The following GATAD2A variants were observed in gnomAD, a reference collection of about 807,000 sequenced individuals.
The protein encoded by GATAD2A is GATA zinc finger domain containing 2A.
Under a neutral mutation model 68.5 loss-of-function variants are expected in GATAD2A, and 12 were observed. The ratio of observed to expected loss-of-function variants is 0.18; its 90% CI spans 0.11 to 0.28. The LOEUF is 0.28. GATAD2A is among the 10% of genes least tolerant of loss of function. The pLI is 1.00. For missense variants in GATAD2A, 755 were observed against 868.5 expected (o/e 0.87, Z 1.64); for synonymous variants, 410 against 375.3 (o/e 1.09, Z -1.07).
In GATAD2A at chr19:19,465,606, C is replaced by T; in HGVS notation, c.261C>T (p.Thr87=). ...GCGATGGGCCCGTGGACATGCGCAC[C>T]TCACACAGGTGAGTGGGAGGAGCCA... ...LVGDGPVDMR[T]SHSDMKSERR... is the part of the protein sequence containing the mutation. The change falls in exon 2 of 12, where the codon ACC becomes ACT. Residue 87 remains threonine, a synonymous_variant. Transcript: ENST00000683918. The T allele has an allele frequency of 1.2e-6, 2 of 1,607,850 alleles. No individual in the cohort carries two copies. The highest frequency in any genetic ancestry group is 1.7e-6 in the Non-Finnish European group (2 of 1,177,310).
Position 19,494,401 on chromosome 19 carries a change from G to A in GATAD2A, c.624+18G>A, listed in dbSNP as rs375455874. ...CACTCCAGGTCAGTGTCCTTTCTGC[G>A]TCTCACTGGGTGCCCTGCTGGCACT... On this transcript the variant is annotated intron_variant, in intron 5 of 11. Transcript: ENST00000683918. 1.5e-5 allele frequency: 22 copies of A among 1,468,414 alleles called. No homozygotes were observed. In the East Asian group the frequency reaches 2.5e-4, roughly 17 times the overall value. The allele number at this position is 1,468,414 out of a possible 1,614,324, so 91.0% of individuals were successfully genotyped here. A position where few individuals can be genotyped will look rare whatever the true frequency, so the allele number is the denominator to read the frequency against.
chr19:19,425,359 C>T (rs1025587158), intron 1 of GATAD2A, among the ~76,000 whole-genome samples: 10 of 152,090 alleles, frequency 6.6e-5, no homozygotes, highest in South Asian at 2.1e-4. Context: ...CCTGGCCATT[C>T]GGCTGTTCCC....
intron 1 of GATAD2A, among the ~76,000 whole-genome samples, chr19:19,418,425 T>G (rs2051918772): frequency 6.6e-6 from 1 of 152,326 alleles, no homozygotes; most frequent in East Asian, 1.9e-4. Flanking sequence ...TGGAAAAGTT[T>G]GTTCTGCTCT....
chr19:19,461,219 G>A (rs2057402487), intron 1 of GATAD2A, among the ~76,000 whole-genome samples: 1 of 152,208 alleles, frequency 6.6e-6, no homozygotes, highest in South Asian at 2.1e-4. Context: ...CTTTCTTCCT[G>A]TCTGAAATAA....
chr19:19,407,747 GAGTT>G (rs1231181417), intron 1 of GATAD2A, among the ~76,000 whole-genome samples: 3 of 152,226 alleles, frequency 2.0e-5, no homozygotes, highest in Non-Finnish European at 4.4e-5. Context: ...CTGAACTACA[GAGTT>G]AGTTGCTACT....
Position 19,465,575 on chromosome 19 carries a change from T to C in GATAD2A, c.230T>C (p.Leu77Pro), listed in dbSNP as rs1157651302. ...ATGGCCATGGGCAGAGGCGAAGGGC[T>C]GGTGGGCGATGGGCCCGTGGACATG... The part of the protein sequence containing the change: ...TAMAMGRGEG[L>P]VGDGPVDMRT... The change falls in exon 2 of 12, where the codon CTG becomes CCG. Residue 77 changes from leucine (L) to proline (P), a missense_variant. By Grantham distance (98) the Leu-to-Pro change is moderately conservative. Coordinates refer to ENST00000683918, the MANE Select transcript of GATAD2A (RefSeq NM_001384528.1). 1.2e-6 allele frequency: 2 copies of C among 1,613,320 alleles called. No homozygotes were observed. Among genetic ancestry groups the C allele is most frequent in the Admixed American group, 3.3e-5 (2 of 59,914 alleles).
At chr19:19,422,559 G>A (rs1007788394) in intron 1 of GATAD2A, among the ~76,000 whole-genome samples, 1 of 152,228 alleles carries the variant, frequency 6.6e-6, no homozygotes, top group Non-Finnish European at 1.5e-5. Context: ...GCTGGGGATA[G>A]TGGTGAGGAC....
intron 1 of GATAD2A, among the ~76,000 whole-genome samples, chr19:19,408,143 T>G (rs1371582676): frequency 6.6e-6 from 1 of 152,106 alleles, no homozygotes; most frequent in African/African-American, 2.4e-5. Flanking sequence ...GGGACTACCA[T>G]GCCCGGCTAA....
chr19:19,393,860 G>A (rs944218180), intron 1 of GATAD2A, among the ~76,000 whole-genome samples: 1 of 151,910 alleles, frequency 6.6e-6, no homozygotes, highest in Non-Finnish European at 1.5e-5. Context: ...GAATGGTCAC[G>A]GCAGGGAGCA....
rs117639804 is a variant in GATAD2A at position 19,476,466 on chromosome 19, G to A, written c.269+10852G>A. 5.5e-3 allele frequency among the ~76,000 whole-genome samples: 835 copies of A among 152,300 alleles called. 6 individuals are homozygous for A. Among genetic ancestry groups the A allele is most frequent in the South Asian group, 0.041 (197 of 4,826 alleles). The stretch of plus-strand genomic sequence containing the variant: ...AATGTCCCATCCACAGGGACAAGAC[G>A]GGGAGGGTGTCTGACCAGCACTCCG... On this transcript the variant is annotated intron_variant, in intron 2 of 11. Coordinates refer to ENST00000683918, the MANE Select transcript of GATAD2A (RefSeq NM_001384528.1).
At chr19:19,447,026 T>G (rs960909496) in intron 1 of GATAD2A, among the ~76,000 whole-genome samples, 1 of 152,242 alleles carries the variant, frequency 6.6e-6, no homozygotes, top group African/African-American at 2.4e-5. Flanking sequence ...TGCAAAGCAT[T>G]GTGCCTGCAT....
intron 1 of GATAD2A, among the ~76,000 whole-genome samples, chr19:19,398,974 G>A (rs576847401): frequency 9.9e-4 from 151 of 152,228 alleles, no homozygotes; most frequent in African/African-American, 3.4e-3. Context: ...CAGGAGAATC[G>A]CTTGAACCCG....
chr19:19,406,504 C>T (rs2050281737), intron 1 of GATAD2A, among the ~76,000 whole-genome samples: 1 of 151,562 alleles, frequency 6.6e-6, no homozygotes, highest in Non-Finnish European at 1.5e-5. Context: ...TAAGAGTCCC[C>T]GCGCGCCCAC....
At chr19:19,425,057 G>A (rs1202818032) in intron 1 of GATAD2A, among the ~76,000 whole-genome samples, 2 of 147,680 alleles carry the variant, frequency 1.4e-5, no homozygotes, top group Admixed American at 1.4e-4. Context: ...ACTAGCCTGT[G>A]CAACAATAAA....
chr19:19,477,428 C>T (rs890793096), intron 2 of GATAD2A, among the ~76,000 whole-genome samples: 7 of 152,132 alleles, frequency 4.6e-5, no homozygotes, highest in Non-Finnish European at 1.0e-4. Flanking sequence ...TGATAGCTTT[C>T]GTACAAAGAG....
intron 1 of GATAD2A, among the ~76,000 whole-genome samples, chr19:19,388,057 CCT>C (rs200738892): frequency 0.22 from 27,750 of 125,840 alleles, 2,899 homozygotes; most frequent in South Asian, 0.35. Flanking sequence ...AGCTTCTCCT[CCT>C]TTTTTTTTTT....
At chr19:19,392,612 G>A (rs1482123262) in intron 1 of GATAD2A, among the ~76,000 whole-genome samples, 3 of 151,468 alleles carry the variant, frequency 2.0e-5, no homozygotes, top group Admixed American at 1.3e-4. Context: ...AGCTGGTCTC[G>A]AATCCCTGAC....
At chr19:19,455,480 G>A (rs2056839696) in intron 1 of GATAD2A, among the ~76,000 whole-genome samples, 1 of 152,000 alleles carries the variant, frequency 6.6e-6, no homozygotes, top group Admixed American at 6.6e-5. Flanking sequence ...GGGTGACAGA[G>A]CAAGACTCTG....
intron 2 of GATAD2A, chr19:19,474,260 G>C: frequency 1.6e-6 from 1 of 607,920 alleles, no homozygotes; most frequent in Non-Finnish European, 2.1e-6. Flanking sequence ...CGACAACCAC[G>C]TGAGCATGGG....
Sources: allele counts gnomAD v4.1 joint callset (sites outside exome capture counted in the v4.1 genomes callset), GRCh38; gene constraint gnomAD v4.1.1; transcripts MANE v1.5; gene names NCBI Gene and HGNC (gene_info 2026-07-23, HGNC 2026-07-21).